The following PTPRD variants were observed in gnomAD, a reference collection of about 807,000 sequenced individuals.
PTPRD encodes the protein receptor-type tyrosine-protein phosphatase delta.
In PTPRD, 34 loss-of-function variants were observed where a neutral mutation model predicts 214.5. That is an observed-to-expected ratio of 0.16 (90% CI 0.12 to 0.21). The LOEUF is 0.21. Ranked by LOEUF, PTPRD falls within the 10% of genes least tolerant of loss-of-function variation. The pLI is 1.00. For synonymous variants in PTPRD, 1,128 were observed against 845.7 expected, an observed-to-expected ratio of 1.33 and a Z score of -5.79; for missense variants, 2,545 against 2,398.7, an observed-to-expected ratio of 1.06 and a Z score of -1.27.
chr9:9,587,118 A>G (rs895469014), intron 7 of PTPRD, among the ~76,000 whole-genome samples: 1 of 151,982 alleles, frequency 6.6e-6, no homozygotes, highest in African/African-American at 2.4e-5. Flanking sequence ...AGACAAAAAA[A>G]TTATTTTAGA....
chr9:9,277,027 G>A (rs371397205), intron 9 of PTPRD, among the ~76,000 whole-genome samples: 29 of 151,104 alleles, frequency 1.9e-4, no homozygotes, highest in East Asian at 9.9e-4. Flanking sequence ...CCCTGCTTTC[G>A]CCACTACTGT....
chr9:10,573,624 T>C (rs556095560), intron 2 of PTPRD, among the ~76,000 whole-genome samples: 1 of 152,194 alleles, frequency 6.6e-6, no homozygotes, highest in South Asian at 2.1e-4. Flanking sequence ...ACACAGATGC[T>C]AGGCTGAAGG....
intron 39 of PTPRD, among the ~76,000 whole-genome samples, chr9:8,345,752 C>G (rs1282947655): frequency 1.3e-5 from 2 of 152,064 alleles, no homozygotes; most frequent in Non-Finnish European, 2.9e-5. Context: ...AAGATGAACT[C>G]TAAATGTCAT....
chr9:9,255,764 G>A (rs1412348391), intron 9 of PTPRD, among the ~76,000 whole-genome samples: 1 of 151,960 alleles, frequency 6.6e-6, no homozygotes. Flanking sequence ...TCCACTATTG[G>A]CATAAATAAT....
chr9:9,584,778 A>G (rs1444680766), intron 7 of PTPRD, among the ~76,000 whole-genome samples: 3 of 151,536 alleles, frequency 2.0e-5, no homozygotes, highest in African/African-American at 7.3e-5. Context: ...TCTCCCCTTT[A>G]TCTTTATTTT....
At chr9:9,543,976 A>G (rs1466364464) in intron 8 of PTPRD, among the ~76,000 whole-genome samples, 1 of 151,634 alleles carries the variant, frequency 6.6e-6, no homozygotes, top group Non-Finnish European at 1.5e-5. Context: ...TCAGATTAGA[A>G]TCCCTCCACC....
chr9:9,445,635 A>C (rs999413525), intron 8 of PTPRD, among the ~76,000 whole-genome samples: 1 of 152,126 alleles, frequency 6.6e-6, no homozygotes, highest in African/African-American at 2.4e-5. Flanking sequence ...CCTCTTATCA[A>C]ATCATCAGAT....
intron 39 of PTPRD, 61 bp from the exon 40 acceptor site, chr9:8,342,039 A>C: frequency 4.8e-6 from 7 of 1,451,172 alleles, no homozygotes; most frequent in Non-Finnish European, 6.4e-6. Context: ...ATACATAATA[A>C]AAGTATTTTT....
chr9:8,362,397 C>T (rs1179940295), intron 39 of PTPRD, among the ~76,000 whole-genome samples: 1 of 152,128 alleles, frequency 6.6e-6, no homozygotes, highest in African/African-American at 2.4e-5. Context: ...CCAGGTCAAT[C>T]ATTTTCAGAC....
At chr9:8,374,441 T>C (rs1406286066) in intron 39 of PTPRD, among the ~76,000 whole-genome samples, 1 of 151,988 alleles carries the variant, frequency 6.6e-6, no homozygotes, top group Non-Finnish European at 1.5e-5. Context: ...GTAAAACCAC[T>C]TGCTCAAATT....
At chr9:8,880,480 T>C (rs1345824890) in intron 11 of PTPRD, among the ~76,000 whole-genome samples, 2 of 152,198 alleles carry the variant, frequency 1.3e-5, no homozygotes, top group Non-Finnish European at 2.9e-5. Flanking sequence ...TTTAACGCCA[T>C]TATTTTTATT....
chr9:8,976,875 T>C (rs1293232340), intron 11 of PTPRD, among the ~76,000 whole-genome samples: 4 of 152,116 alleles, frequency 2.6e-5, no homozygotes, highest in Non-Finnish European at 4.4e-5. Flanking sequence ...GATGCTGTTT[T>C]TTCTACGAGG....
Position 8,789,872 on chromosome 9 carries a change from T to C in PTPRD, c.-103-55926A>G, listed in dbSNP as rs149743694. ...AACATTTAGAAAAGACTAGAGTGTA[T>C]CTTTGAATCTGGAGGGTAGAAAGCA... On this transcript the variant is annotated intron_variant, in intron 11 of 45. Coordinates refer to ENST00000381196, the MANE Select transcript of PTPRD (RefSeq NM_002839.4). Among the ~76,000 whole-genome samples, 242 of 152,282 alleles carry C rather than the reference T, an allele frequency of 1.6e-3. 7 individuals carry two copies. In the East Asian group the frequency reaches 0.039, roughly 24 times the overall value.
intron 45 of PTPRD, among the ~76,000 whole-genome samples, chr9:8,319,469 G>C (rs998461920): frequency 6.6e-6 from 1 of 151,532 alleles, no homozygotes; most frequent in Non-Finnish European, 1.5e-5. Context: ...AAGTTAAATG[G>C]GCTGAGATTA....
chr9:8,928,363 T>C (rs1217361903), intron 11 of PTPRD, among the ~76,000 whole-genome samples: 1 of 152,212 alleles, frequency 6.6e-6, no homozygotes, highest in Non-Finnish European at 1.5e-5. Flanking sequence ...TTAATCCATC[T>C]TTCATTAATT....
chr9:9,177,201 A>T (rs2131260247), intron 10 of PTPRD, among the ~76,000 whole-genome samples: 1 of 152,178 alleles, frequency 6.6e-6, no homozygotes, highest in African/African-American at 2.4e-5. Flanking sequence ...GTGCCTAGTG[A>T]AGGGAAAACA....
At chr9:9,716,380 G>A (rs1283061973) in intron 7 of PTPRD, among the ~76,000 whole-genome samples, 2 of 151,692 alleles carry the variant, frequency 1.3e-5, no homozygotes, top group African/African-American at 4.8e-5. Context: ...GTAATGGGAT[G>A]GCTGGGTCAA....
intron 4 of PTPRD, among the ~76,000 whole-genome samples, chr9:9,941,852 C>T (rs958988332): frequency 3.9e-5 from 6 of 152,132 alleles, no homozygotes; most frequent in African/African-American, 1.2e-4. Context: ...AAAAGCACTA[C>T]AATTGATTGA....
At chr9:9,715,253 C>T (rs982618976) in intron 7 of PTPRD, among the ~76,000 whole-genome samples, 1 of 152,090 alleles carries the variant, frequency 6.6e-6, no homozygotes, top group African/African-American at 2.4e-5. Flanking sequence ...ATATTGCGGG[C>T]AATTTGAAGG....
Sources: allele counts gnomAD v4.1 joint callset (sites outside exome capture counted in the v4.1 genomes callset), GRCh38; gene constraint gnomAD v4.1.1; transcripts MANE v1.5; gene names NCBI Gene and HGNC (gene_info 2026-07-23, HGNC 2026-07-21).